The following PTPRN2 variants were observed in gnomAD, a reference collection of about 807,000 sequenced individuals.
PTPRN2 encodes the protein receptor-type tyrosine-protein phosphatase N2.
In PTPRN2, 74 loss-of-function variants were observed where a neutral mutation model predicts 118.8. That is an observed-to-expected ratio of 0.62 (90% confidence interval 0.52 to 0.76). The LOEUF (loss-of-function observed/expected upper bound fraction) is 0.76, where lower values mean the gene tolerates loss of function less well. Among genes scored for constraint, PTPRN2 ranks in the 30% least tolerant of loss-of-function variants. The pLI is 0.00. For synonymous variants in PTPRN2, 641 were observed against 608.0 expected, an observed-to-expected ratio of 1.05 and a Z score of -0.80; for missense variants, 1,481 against 1,394.4, an observed-to-expected ratio of 1.06 and a Z score of -0.99.
At chr7:158,329,857 T>C (rs369964805) in intron 2 of PTPRN2, among the ~76,000 whole-genome samples, 4 of 152,138 alleles carry the variant, frequency 2.6e-5, no homozygotes, top group East Asian at 1.9e-4. Context: ...CACTTTAGAC[T>C]GTAGATGCCA....
chr7:157,700,310 CATGGTGAGCACTAAG>C (rs1403001783), intron 12 of PTPRN2, among the ~76,000 whole-genome samples: 1 of 152,214 alleles, frequency 6.6e-6, no homozygotes, highest in African/African-American at 2.4e-5. Flanking sequence ...GTGCCCCAGA[CATGGTGAGCACTAAG>C]ACAGACAGCA....
At chr7:158,290,408 C>T (rs1277677862) in intron 3 of PTPRN2, among the ~76,000 whole-genome samples, 1 of 152,050 alleles carries the variant, frequency 6.6e-6, no homozygotes, top group African/African-American at 2.4e-5. Flanking sequence ...TGATGTGGAG[C>T]CTGAGGCCAA....
intron 2 of PTPRN2, among the ~76,000 whole-genome samples, chr7:158,473,939 G>T (rs1476200): frequency 0.7 from 105,994 of 152,044 alleles, 37,136 homozygotes; most frequent in Admixed American, 0.78. Flanking sequence ...TTTACTTAAT[G>T]TCTTTCACAC....
intron 2 of PTPRN2, among the ~76,000 whole-genome samples, chr7:158,462,945 T>A (rs997269241): frequency 1.3e-5 from 2 of 152,274 alleles, no homozygotes; most frequent in Non-Finnish European, 2.9e-5. Flanking sequence ...TTTATTTTAT[T>A]CAGCACGAAT....
intron 11 of PTPRN2, among the ~76,000 whole-genome samples, chr7:158,009,020 C>T (rs1024656022): frequency 1.3e-5 from 2 of 152,108 alleles, no homozygotes; most frequent in Non-Finnish European, 2.9e-5. Context: ...TGCACTTCCC[C>T]GAGGTCACTG....
chr7:157,708,070 A>G (rs1798421846), intron 12 of PTPRN2, among the ~76,000 whole-genome samples: 1 of 152,390 alleles, frequency 6.6e-6, no homozygotes, highest in Non-Finnish European at 1.5e-5. Flanking sequence ...CGCTGGGGCC[A>G]GCCGCTGGCT....
At chr7:157,704,188 C>T (rs1798215465) in intron 12 of PTPRN2, among the ~76,000 whole-genome samples, 1 of 152,138 alleles carries the variant, frequency 6.6e-6, no homozygotes, top group South Asian at 2.1e-4. Flanking sequence ...GCTTCACTGC[C>T]CTGTGCCTCA....
chr7:157,720,333 C>T (rs1799161090), intron 12 of PTPRN2, among the ~76,000 whole-genome samples: 1 of 152,220 alleles, frequency 6.6e-6, no homozygotes, highest in African/African-American at 2.4e-5. Flanking sequence ...CGCAATCGGT[C>T]ATTCCAATGT....
intron 2 of PTPRN2, among the ~76,000 whole-genome samples, chr7:158,423,926 G>A (rs1815476386): frequency 1.3e-5 from 2 of 152,322 alleles, no homozygotes; most frequent in South Asian, 2.1e-4. Context: ...TCTGTAGTTT[G>A]CATGTATCAT....
chr7:158,095,495 C>T (rs1337829866), intron 10 of PTPRN2, among the ~76,000 whole-genome samples: 1 of 152,096 alleles, frequency 6.6e-6, no homozygotes, highest in Non-Finnish European at 1.5e-5. Flanking sequence ...CGTCTCTACT[C>T]CATGGAGGAG....
Position 158,470,589 on chromosome 7 carries a change from AC to A in PTPRN2, c.163+19145del, listed in dbSNP as rs1243300328. Among the ~76,000 whole-genome samples, 7 of 152,220 alleles carry A rather than the reference AC, an allele frequency of 4.6e-5. No homozygotes were observed. In the East Asian group the frequency reaches 1.4e-3, roughly 29 times the overall value. On this transcript the variant is annotated intron_variant, in intron 2 of 22. Transcript: ENST00000389418. ...GGGGGTAGGAAGGTAGCGTTGCGTCACCCCGACCGGCTGCTCAGTCAGTTCC... is the reference window on the plus strand; with the variant it reads ...GGGGGTAGGAAGGTAGCGTTGCGTCACCCGACCGGCTGCTCAGTCAGTTCC...
chr7:157,602,937 C>T (rs987835434), intron 16 of PTPRN2, among the ~76,000 whole-genome samples: 2 of 152,262 alleles, frequency 1.3e-5, no homozygotes, highest in African/African-American at 4.8e-5. Context: ...CCTGCAGGCA[C>T]CATGTTTGAT....
chr7:158,021,719 C>T (rs1470622644), intron 11 of PTPRN2, among the ~76,000 whole-genome samples: 1 of 152,160 alleles, frequency 6.6e-6, no homozygotes, highest in African/African-American at 2.4e-5. Context: ...AGCCCTGCCC[C>T]ACCTCGATCT....
rs970821244 is a variant in PTPRN2, at chr7:157,583,949, T to C, written c.2497-5809A>G. ...ACACACACACACTCTTAAAATAAGC[T>C]CTCCTGAAGCCCCACAGAGACCTGA... On this transcript the variant is annotated intron_variant, in intron 17 of 22. Coordinates refer to ENST00000389418, the MANE Select transcript of PTPRN2 (RefSeq NM_002847.5). This position sits in a 1 kb window ranked among gnomAD's most constrained non-coding sequence, Gnocchi z 5.5. 1.7e-4 allele frequency among the ~76,000 whole-genome samples: 26 copies of C among 149,242 alleles called. No homozygotes were observed. The highest frequency in any genetic ancestry group is 3.0e-4 in the Non-Finnish European group (20 of 67,590).
chr7:158,140,901 C>G (rs1237218332), intron 6 of PTPRN2, among the ~76,000 whole-genome samples: 1 of 151,018 alleles, frequency 6.6e-6, no homozygotes, highest in African/African-American at 2.4e-5. Flanking sequence ...CTTTTGTATT[C>G]AGTGTTGAAA....
At chr7:157,910,294 C>G (rs1169020600) in intron 11 of PTPRN2, among the ~76,000 whole-genome samples, 2 of 148,646 alleles carry the variant, frequency 1.3e-5, no homozygotes, top group African/African-American at 2.5e-5. Context: ...CGCCGGATCA[C>G]GCACGTACGC....
intron 12 of PTPRN2, among the ~76,000 whole-genome samples, chr7:157,710,666 C>T (rs940186576): frequency 6.6e-6 from 1 of 152,206 alleles, no homozygotes; most frequent in Non-Finnish European, 1.5e-5. Context: ...TTTAGGGTCC[C>T]TTTCAGCCCT....
intron 12 of PTPRN2, among the ~76,000 whole-genome samples, chr7:157,782,406 A>G (rs532529496): frequency 6.6e-6 from 1 of 152,360 alleles, no homozygotes; most frequent in Admixed American, 6.5e-5. Context: ...TGGCCCCAGT[A>G]TCTGAAAACG....
chr7:157,656,214 C>T, intron 14 of PTPRN2, 143 bp downstream of exon 14: 1 of 779,368 alleles, frequency 1.3e-6, no homozygotes, highest in Non-Finnish European at 2.0e-6. Flanking sequence ...AAGAGCCCTG[C>T]CTGTCAGCCT....
Sources: allele counts gnomAD v4.1 joint callset (sites outside exome capture counted in the v4.1 genomes callset), GRCh38; gene constraint gnomAD v4.1.1; non-coding constraint Gnocchi (gnomAD v3.1); transcripts MANE v1.5; gene names NCBI Gene and HGNC (gene_info 2026-07-23, HGNC 2026-07-21).